MDN1: variants seen among roughly 807,000 people sequenced by gnomAD.
MDN1 encodes midasin AAA ATPase 1.
A neutral mutation model predicts 669.2 loss-of-function variants in MDN1; 266 were observed. The ratio of observed to expected loss-of-function variants is 0.40; its 90% CI spans 0.36 to 0.44. The LOEUF (loss-of-function observed/expected upper bound fraction) is 0.44, where lower values mean the gene tolerates loss of function less well. MDN1 is among the 20% of genes least tolerant of loss of function. MDN1 has a pLI of 1.00. For synonymous variants in MDN1, 2,385 were observed against 2,457.1 expected, an observed-to-expected ratio of 0.97 and a Z score of 0.87; for missense variants, 5,940 against 6,754.0, an observed-to-expected ratio of 0.88 and a Z score of 4.22.
chr6:89,712,007 C>A, intron 49 of MDN1, 29 bp downstream of exon 49: 1 of 1,562,580 alleles, frequency 6.4e-7, no homozygotes, highest in South Asian at 1.1e-5. Context: ...TAAATCACAT[C>A]AGTGGACAAA....
intron 53 of MDN1, among the ~76,000 whole-genome samples, chr6:89,704,178 C>T (rs1813371073): frequency 6.6e-6 from 1 of 152,026 alleles, no homozygotes; most frequent in Non-Finnish European, 1.5e-5. Context: ...GTCAGGAGTT[C>T]AAGACCAGCC....
At chr6:89,819,433 G>A (rs895946237) in intron 1 of MDN1, 73 bp downstream of exon 1, 11 of 1,359,290 alleles carry the variant, frequency 8.1e-6, no homozygotes, top group African/African-American at 2.8e-5. Flanking sequence ...GAGTATCGGC[G>A]GGGGAGCGCA....
chr6:89,689,373 A>T (rs1400268939), intron 65 of MDN1, among the ~76,000 whole-genome samples: 1 of 152,238 alleles, frequency 6.6e-6, no homozygotes, highest in Admixed American at 6.5e-5. Context: ...TACCTATTCT[A>T]GGTAAACAGA....
chr6:89,715,571 A>G lies in MDN1; in HGVS notation c.6860+82T>C, dbSNP rs1814306573. ...CCATGATTCAGTTTATAAATAAAAT[A>G]TATAAGGAAGTCCTACTGAACGTCT... On this transcript the variant is annotated intron_variant, in intron 45 of 101. Transcript: ENST00000369393. The G allele has an allele frequency of 8.4e-6, 7 of 828,666 alleles. No homozygotes were observed. In the East Asian group the frequency reaches 1.7e-4, roughly 20 times the overall value. 51.3% of individuals were successfully genotyped at this position (828,666 alleles called of 1,614,324 possible).
intron 84 of MDN1, among the ~76,000 whole-genome samples, chr6:89,666,017 G>C (rs535050449): frequency 3.9e-5 from 6 of 152,264 alleles, no homozygotes; most frequent in Admixed American, 1.3e-4. Context: ...CTCCAGCCTT[G>C]GGGAGAGAGC....
At position 89,714,659 on chromosome 6, in the gene MDN1, G is replaced by A. The variant is rs756703347; in HGVS notation, c.6953C>T (p.Ala2318Val). 1 of 1,614,008 alleles carries A rather than the reference G, an allele frequency of 6.2e-7. No homozygotes were observed. The highest frequency in any genetic ancestry group is 1.7e-5 in the Admixed American group (1 of 60,014). The change falls in exon 46 of 102, where the codon GCA becomes GTA. Residue 2318 changes from alanine (A) to valine (V), a missense_variant. Around this residue, in one of 5 missense-constraint regions of MDN1, gnomAD observed 2,292 missense variants for 2,638.3 expected, o/e 0.87. Coordinates refer to ENST00000369393, the MANE Select transcript of MDN1 (RefSeq NM_014611.3). ...CAAATCCAGGTTGTCTGGGGTGCTT[G>A]CATCCCCTTCCCCTGAAATGTAGAT... Reference protein sequence around the residue: ...LEIYISGEGDASTPDNLDLKV... With the variant: ...LEIYISGEGDVSTPDNLDLKV...
intron 27 of MDN1, among the ~76,000 whole-genome samples, chr6:89,746,196 A>G (rs2128317925): frequency 6.6e-6 from 1 of 152,314 alleles, no homozygotes; most frequent in Admixed American, 6.5e-5. Context: ...GATTACCTCC[A>G]CTGTCAAGAG....
intron 26 of MDN1, among the ~76,000 whole-genome samples, chr6:89,747,735 C>CA (rs1816720484): frequency 1.3e-5 from 2 of 149,278 alleles, no homozygotes; most frequent in African/African-American, 2.5e-5. Context: ...ACTAAAAATA[C>CA]AAAAAATTAG....
chr6:89,794,994 C>G (rs1487507604), intron 2 of MDN1, among the ~76,000 whole-genome samples, 193 bp from the exon 3 acceptor site: 1 of 152,128 alleles, frequency 6.6e-6, no homozygotes, highest in Admixed American at 6.5e-5. Context: ...AACCACAAAA[C>G]AGAACTCCCA....
At chr6:89,729,624 A>G (rs1447108916) in intron 35 of MDN1, among the ~76,000 whole-genome samples, 2 of 151,646 alleles carry the variant, frequency 1.3e-5, no homozygotes, top group East Asian at 1.9e-4. Context: ...ACAGTCTTGT[A>G]ATATTTAACA....
chr6:89,749,600 G>T lies in MDN1; in HGVS notation c.3558C>A (p.His1186Gln), dbSNP rs747402633. Residue 1186 changes from histidine (H) to glutamine (Q), a missense_variant, in exon 25 of 102, where the codon CAC becomes CAA. Physicochemically the swap from His to Gln is conservative, Grantham distance 24 (BLOSUM62 0). Around this residue, in one of 5 missense-constraint regions of MDN1, gnomAD observed 2,292 missense variants for 2,638.3 expected, o/e 0.87. Transcript: ENST00000369393. ...VTETQEVVKAHPRFMLFATQN... is the reference protein window; with the variant it reads ...VTETQEVVKAQPRFMLFATQN... ...GGGTGGCAAAAAGCATAAACCGAGG[G>T]TGTGCTTTAACAACTTCCTGTGTTT... The T allele has an allele frequency of 6.2e-7, 1 of 1,614,134 alleles. No individual in the cohort carries two copies. Among genetic ancestry groups the T allele is most frequent in the South Asian group, 1.1e-5 (1 of 91,080 alleles).
At chr6:89,768,243 C>T (rs1054251379) in intron 15 of MDN1, among the ~76,000 whole-genome samples, 2 of 151,944 alleles carry the variant, frequency 1.3e-5, no homozygotes, top group Non-Finnish European at 2.9e-5. Flanking sequence ...CCAATTCCCA[C>T]GTGTTGTGCA....
chr6:89,691,281 G>A (rs1466694329), intron 63 of MDN1, among the ~76,000 whole-genome samples: 2 of 152,190 alleles, frequency 1.3e-5, no homozygotes, highest in Admixed American at 6.5e-5. Flanking sequence ...AGGCAAAACT[G>A]GAATGTGTCT....
chr6:89,751,610 AC>A, intron 22 of MDN1, 28 bp from the exon 23 acceptor site: 1 of 1,607,748 alleles, frequency 6.2e-7, no homozygotes, highest in Non-Finnish European at 8.5e-7. Context: ...TCAAGGAATA[AC>A]CCACAGTTGT....
At chr6:89,792,585 G>A (rs1275317747) in intron 5 of MDN1, among the ~76,000 whole-genome samples, 1 of 152,036 alleles carries the variant, frequency 6.6e-6, no homozygotes, top group East Asian at 1.9e-4. Flanking sequence ...GAAGTACTGG[G>A]TGTTTGGTGT....
chr6:89,690,240 A>G (rs1023150248), intron 64 of MDN1, 97 bp from the exon 65 acceptor site: 8 of 1,290,382 alleles, frequency 6.2e-6, no homozygotes, highest in Admixed American at 2.3e-5. Flanking sequence ...AATGACTGAA[A>G]AAATGAAATA....
chr6:89,663,477 G>A (rs1809952488), intron 85 of MDN1, among the ~76,000 whole-genome samples: 1 of 152,174 alleles, frequency 6.6e-6, no homozygotes, highest in African/African-American at 2.4e-5. Flanking sequence ...TTTCATTTCT[G>A]CAAGATATTC....
chr6:89,805,753 A>T (rs1400823973), intron 1 of MDN1, among the ~76,000 whole-genome samples: 1 of 152,210 alleles, frequency 6.6e-6, no homozygotes, highest in Non-Finnish European at 1.5e-5. Context: ...CAAAGCACTG[A>T]TTAGGGAAAA....
chr6:89,718,462 C>T lies in MDN1; in HGVS notation c.6487G>A (p.Gly2163Ser), dbSNP rs1814572300. Reference protein sequence around the residue: ...TYKPKCLGEGGKAITMEIVNK... With the variant: ...TYKPKCLGEGSKAITMEIVNK... Reference sequence around the variant, plus strand: ...ACAATCTCCATCGTGATAGCTTTACCACCTTCTCCAAGACACTTAGGCTTA... The same window carrying T: ...ACAATCTCCATCGTGATAGCTTTACTACCTTCTCCAAGACACTTAGGCTTA... The change falls in exon 43 of 102, where the codon GGT (glycine) becomes AGT (serine). Residue 2163 changes from glycine (G) to serine (S), a missense_variant. Physicochemically the swap from Gly to Ser is moderately conservative, Grantham distance 56. This residue lies in a region of MDN1 where 2,292 missense variants were observed against 2,638.3 expected (regional missense o/e 0.87). Transcript: ENST00000369393. 3 of 1,614,094 alleles carry T rather than the reference C, an allele frequency of 1.9e-6. No individual in the cohort carries two copies. The highest frequency in any genetic ancestry group is 2.5e-6 in the Non-Finnish European group (3 of 1,180,022).
Sources: gnomAD v4.1 joint callset for allele counts (sites outside exome capture counted in the v4.1 genomes callset) on GRCh38, gnomAD v4.1.1 for gene constraint, gnomAD v4.1.1 regional missense constraint, MANE v1.5 for transcripts, NCBI Gene and HGNC (gene_info 2026-07-23, HGNC 2026-07-21) for gene names.